KCNH8: variants seen among roughly 807,000 people sequenced by gnomAD.
The protein encoded by KCNH8 is voltage-gated delayed rectifier potassium channel KCNH8.
In KCNH8, 70 loss-of-function variants were observed where a neutral mutation model predicts 103.6. That is an observed-to-expected ratio of 0.68 (90% CI 0.56 to 0.82). The LOEUF (loss-of-function observed/expected upper bound fraction) is 0.82. KCNH8 is among the 40% of genes least tolerant of loss of function. The probability of loss-of-function intolerance (pLI) is 0.00; values close to 1 mark genes in which losing one functional copy is unlikely to be tolerated. For synonymous variants in KCNH8, 498 were observed against 489.4 expected, an observed-to-expected ratio of 1.02 and a Z score of -0.23; for missense variants, 1,217 against 1,329.9, an observed-to-expected ratio of 0.92 and a Z score of 1.32.
chr3:19,188,606 C>A (rs1057040903), intron 1 of KCNH8, among the ~76,000 whole-genome samples: 3 of 151,938 alleles, frequency 2.0e-5, no homozygotes, highest in Non-Finnish European at 2.9e-5. Context: ...TTCTATAAAG[C>A]ATCACATTTG....
intron 2 of KCNH8, among the ~76,000 whole-genome samples, chr3:19,270,499 G>A (rs1009266870): frequency 3.9e-5 from 6 of 152,092 alleles, no homozygotes; most frequent in African/African-American, 1.4e-4. Context: ...GGTGAGTAAC[G>A]CAAGGATAAG....
intron 1 of KCNH8, among the ~76,000 whole-genome samples, chr3:19,155,097 A>C (rs2063168291): frequency 1.3e-5 from 2 of 152,192 alleles, no homozygotes; most frequent in South Asian, 4.1e-4. Flanking sequence ...TTGTTAATAC[A>C]ACCATCTTTG....
chr3:19,358,928 G>A (rs547912852), intron 5 of KCNH8, among the ~76,000 whole-genome samples: 1 of 151,262 alleles, frequency 6.6e-6, no homozygotes, highest in African/African-American at 2.4e-5. Flanking sequence ...AAAAACCTAA[G>A]GAAATATGAA....
At chr3:19,514,724 C>CTAAG (rs1442162045) in intron 13 of KCNH8, among the ~76,000 whole-genome samples, 1 of 151,328 alleles carries the variant, frequency 6.6e-6, no homozygotes, top group African/African-American at 2.4e-5. Flanking sequence ...AGAGTTTTCT[C>CTAAG]TAAGTCTAGA....
At chr3:19,483,500 T>A (rs1200823515) in intron 11 of KCNH8, among the ~76,000 whole-genome samples, 4 of 152,182 alleles carry the variant, frequency 2.6e-5, no homozygotes, top group Non-Finnish European at 4.4e-5. Context: ...CATCAGGAAC[T>A]GGGTCTGTAG....
At chr3:19,500,391 AACAAGG>A (rs1311276430) in intron 11 of KCNH8, among the ~76,000 whole-genome samples, 1 of 152,144 alleles carries the variant, frequency 6.6e-6, no homozygotes, top group African/African-American at 2.4e-5. Flanking sequence ...ACAGAAAATC[AACAAGG>A]ATACCCAGGA....
At position 19,395,121 on chromosome 3, in the gene KCNH8, T is replaced by C. The variant is rs369829387; in HGVS notation, c.987T>C (p.Leu329=). Residue 329 remains leucine (L), a synonymous_variant, in exon 7 of 16, where the codon CTT becomes CTC. Transcript: ENST00000328405. ...TACCACAGGTGTCTCTCGTGCATCT[T>C]CTAAAGACAGTGCGCCTCTTGCGTC... ...FNVTVVSLVH[L]LKTVRLLRLL... The C allele has an allele frequency of 3.4e-5, 54 of 1,611,806 alleles. No individual in the cohort carries two copies. Among genetic ancestry groups the C allele is most frequent in the Middle Eastern group, 1.8e-4 (1 of 5,560 alleles).
chr3:19,523,978 T>C (rs1013103583), intron 15 of KCNH8, among the ~76,000 whole-genome samples: 1 of 151,872 alleles, frequency 6.6e-6, no homozygotes, highest in African/African-American at 2.4e-5. Flanking sequence ...ATTAATGAAA[T>C]CTCCCTGAGT....
At chr3:19,476,779 A>G (rs947863338) in intron 11 of KCNH8, among the ~76,000 whole-genome samples, 1 of 152,012 alleles carries the variant, frequency 6.6e-6, no homozygotes. Flanking sequence ...TGAGCCACGT[A>G]TTAGTAAATA....
intron 1 of KCNH8, among the ~76,000 whole-genome samples, chr3:19,242,641 G>A (rs1055736724): frequency 4.6e-5 from 7 of 151,980 alleles, no homozygotes; most frequent in Non-Finnish European, 7.4e-5. Flanking sequence ...CTGGAGCTGC[G>A]GAATATAATC....
intron 1 of KCNH8, among the ~76,000 whole-genome samples, chr3:19,191,844 A>T (rs2063556042): frequency 6.6e-6 from 1 of 151,762 alleles, no homozygotes; most frequent in African/African-American, 2.4e-5. Context: ...GATTTCTATA[A>T]TAACCTATTT....
At chr3:19,417,231 T>C (rs2066878013) in intron 7 of KCNH8, among the ~76,000 whole-genome samples, 1 of 149,232 alleles carries the variant, frequency 6.7e-6, no homozygotes, top group South Asian at 2.1e-4. Context: ...TGTGTGTGTA[T>C]ATATATATAT....
intron 3 of KCNH8, among the ~76,000 whole-genome samples, chr3:19,315,741 C>T (rs1231966515): frequency 6.6e-6 from 1 of 151,894 alleles, no homozygotes; most frequent in Non-Finnish European, 1.5e-5. Flanking sequence ...TTAGTTCAAC[C>T]AGGGCATTTT....
intron 15 of KCNH8, among the ~76,000 whole-genome samples, chr3:19,531,992 C>T (rs1300357701): frequency 6.6e-6 from 1 of 152,130 alleles, no homozygotes; most frequent in East Asian, 1.9e-4. Flanking sequence ...TATTATGAAT[C>T]TAACCAAAGA....
In KCNH8 at chr3:19,193,041, A is replaced by G. The variant is rs377203017; in HGVS notation, c.76+44246A>G. 8.5e-4 allele frequency among the ~76,000 whole-genome samples: 129 copies of G among 151,794 alleles called. 1 individual carries two copies. The highest frequency in any genetic ancestry group is 2.9e-3 in the African/African-American group (122 of 41,522). On this transcript the variant is annotated intron_variant, in intron 1 of 15. Transcript: ENST00000328405. Reference sequence around the variant, plus strand: ...GAAAGATTCATTTATAGATGCATTGAAACTTTCTTATTTTAAAACATTAGT... The same window carrying G: ...GAAAGATTCATTTATAGATGCATTGGAACTTTCTTATTTTAAAACATTAGT...
intron 15 of KCNH8, among the ~76,000 whole-genome samples, chr3:19,526,842 A>G (rs536435355): frequency 3.9e-5 from 6 of 152,170 alleles, no homozygotes; most frequent in Admixed American, 1.3e-4. Context: ...AAAATAACAA[A>G]AAGTCATAAG....
chr3:19,367,730 G>A (rs931513553), intron 5 of KCNH8, among the ~76,000 whole-genome samples: 2 of 151,874 alleles, frequency 1.3e-5, no homozygotes, highest in African/African-American at 4.8e-5. Flanking sequence ...TGGCCTCACA[G>A]GTAACTGATT....
chr3:19,469,741 A>G (rs772231375), intron 11 of KCNH8, among the ~76,000 whole-genome samples: 2 of 152,108 alleles, frequency 1.3e-5, no homozygotes, highest in African/African-American at 4.8e-5. Context: ...TGTTCATGGT[A>G]TTGAGGAAAT....
chr3:19,399,894 A>T (rs2066584400), intron 7 of KCNH8, among the ~76,000 whole-genome samples: 1 of 151,780 alleles, frequency 6.6e-6, no homozygotes, highest in African/African-American at 2.4e-5. Context: ...AATTAGAAGG[A>T]TACAAAACAA....
Sources: allele counts gnomAD v4.1 joint callset (sites outside exome capture counted in the v4.1 genomes callset), GRCh38; gene constraint gnomAD v4.1.1; transcripts MANE v1.5; gene names NCBI Gene and HGNC (gene_info 2026-07-23, HGNC 2026-07-21).